Variants in MEIS2 observed in about 807,000 individuals in gnomAD.
MEIS2 encodes Meis homeobox 2, also known as homeobox protein Meis2.
MEIS2 carries 9 observed loss-of-function variants against 58.6 expected under a neutral mutation model. That is an observed-to-expected ratio of 0.15 (90% CI 0.09 to 0.27). The LOEUF (loss-of-function observed/expected upper bound fraction) is 0.27, where lower values mean the gene tolerates loss of function less well. Ranked by LOEUF, MEIS2 falls within the 10% of genes least tolerant of loss-of-function variation. MEIS2 has a pLI of 1.00. For synonymous variants in MEIS2, 221 were observed against 228.4 expected (o/e 0.97, Z 0.29); for missense variants, 427 against 635.0 (o/e 0.67, Z 3.52).
At chr15:37,073,167 C>T (rs370279968) in intron 7 of MEIS2, among the ~76,000 whole-genome samples, 2 of 152,036 alleles carry the variant, frequency 1.3e-5, no homozygotes, top group East Asian at 1.9e-4. Flanking sequence ...AAAGCAAGTG[C>T]TAATTTAATC....
chr15:36,971,126 C>T (rs931723563), intron 8 of MEIS2, among the ~76,000 whole-genome samples: 2 of 151,574 alleles, frequency 1.3e-5, no homozygotes, highest in Non-Finnish European at 2.9e-5. Flanking sequence ...GATGTAAAGT[C>T]GATTTACCTG....
intron 7 of MEIS2, among the ~76,000 whole-genome samples, chr15:37,063,315 A>G (rs1889488310): frequency 6.6e-6 from 1 of 152,194 alleles, no homozygotes; most frequent in Non-Finnish European, 1.5e-5. Flanking sequence ...ACTGGCGTGC[A>G]CTACTGTGCA....
intron 8 of MEIS2, among the ~76,000 whole-genome samples, chr15:36,976,230 G>T (rs989477286): frequency 1.2e-4 from 18 of 151,620 alleles, no homozygotes; most frequent in South Asian, 2.1e-4. Context: ...GATTACAGGC[G>T]GCCACCACCA....
chr15:37,038,803 G>A (rs536354014), intron 7 of MEIS2, among the ~76,000 whole-genome samples: 119 of 152,214 alleles, frequency 7.8e-4, no homozygotes, highest in Non-Finnish European at 1.1e-3. Flanking sequence ...CATGTACACC[G>A]GAGTGTCGCC....
intron 9 of MEIS2, among the ~76,000 whole-genome samples, chr15:36,920,079 G>A (rs1211072127): frequency 2.0e-5 from 3 of 152,106 alleles, no homozygotes; most frequent in African/African-American, 7.2e-5. Flanking sequence ...ATGGAGGCTG[G>A]AGATTAAAGT....
intron 9 of MEIS2, among the ~76,000 whole-genome samples, chr15:36,947,911 T>C (rs2058625599): frequency 6.6e-6 from 1 of 151,976 alleles, no homozygotes; most frequent in Admixed American, 6.6e-5. Context: ...CATCAAGGCA[T>C]TGGGCAAGTT....
chr15:37,054,944 C>G, intron 7 of MEIS2, among the ~76,000 whole-genome samples: 1 of 152,210 alleles, frequency 6.6e-6, no homozygotes, highest in East Asian at 1.9e-4. Context: ...AGCACTTACT[C>G]TCTTCCAGAC....
At chr15:36,945,211 C>T (rs1170332142) in intron 9 of MEIS2, among the ~76,000 whole-genome samples, 1 of 151,962 alleles carries the variant, frequency 6.6e-6, no homozygotes, top group Non-Finnish European at 1.5e-5. Flanking sequence ...TTGAAACCCA[C>T]CTAGAACACT....
At chr15:36,904,289 C>T (rs993776830) in intron 9 of MEIS2, among the ~76,000 whole-genome samples, 3 of 152,204 alleles carry the variant, frequency 2.0e-5, no homozygotes, top group African/African-American at 4.8e-5. Context: ...TCTCCTTTGA[C>T]GCTCACCTTT....
At chr15:37,046,923 T>A (rs1210525878) in intron 7 of MEIS2, among the ~76,000 whole-genome samples, 1 of 152,050 alleles carries the variant, frequency 6.6e-6, no homozygotes, top group Non-Finnish European at 1.5e-5. Context: ...TAAGAAAGGA[T>A]CTCTGTTCTC....
intron 8 of MEIS2, among the ~76,000 whole-genome samples, chr15:37,014,076 T>G (rs983684079): frequency 6.6e-6 from 1 of 152,164 alleles, no homozygotes; most frequent in Non-Finnish European, 1.5e-5. Flanking sequence ...ATGTTAACAA[T>G]AGCAGAACAC....
chr15:36,918,651 C>G (rs1227089806), intron 9 of MEIS2, among the ~76,000 whole-genome samples: 1 of 152,028 alleles, frequency 6.6e-6, no homozygotes, highest in African/African-American at 2.4e-5. Context: ...CATGGGTGTG[C>G]AGAAAAGGTG....
At chr15:37,000,598 C>T (rs1383375545) in intron 8 of MEIS2, among the ~76,000 whole-genome samples, 1 of 152,038 alleles carries the variant, frequency 6.6e-6, no homozygotes, top group Non-Finnish European at 1.5e-5. Flanking sequence ...ATTGTATTTA[C>T]TCCCACCCAC....
chr15:36,919,711 G>C (rs1425885663), intron 9 of MEIS2, among the ~76,000 whole-genome samples: 1 of 152,164 alleles, frequency 6.6e-6, no homozygotes, highest in Non-Finnish European at 1.5e-5. Context: ...CTAAACATTG[G>C]AGGATGAACA....
chr15:37,032,086 C>T (rs2061952210), intron 8 of MEIS2, among the ~76,000 whole-genome samples: 1 of 152,100 alleles, frequency 6.6e-6, no homozygotes, highest in South Asian at 2.1e-4. Flanking sequence ...GCGATCCTCC[C>T]CACTTGGCTT....
chr15:36,960,440 C>T (rs2059142882), intron 8 of MEIS2, among the ~76,000 whole-genome samples: 1 of 151,922 alleles, frequency 6.6e-6, no homozygotes, highest in Non-Finnish European at 1.5e-5. Flanking sequence ...AAAGGAGAAC[C>T]TTCGTAGTGA....
chr15:36,989,041 C>T (rs375159913), intron 8 of MEIS2, among the ~76,000 whole-genome samples: 8 of 152,340 alleles, frequency 5.3e-5, no homozygotes, highest in African/African-American at 1.9e-4. Flanking sequence ...TCTATAAACA[C>T]ATCTTTAATT....
chr15:36,898,018 A>T (rs1216334812), intron 9 of MEIS2: 1 of 152,244 alleles, frequency 6.6e-6, no homozygotes. Context: ...GCTGAGGAAT[A>T]ATAGCTGGGA....
chr15:37,012,231 T>C (rs1292638023), intron 8 of MEIS2, among the ~76,000 whole-genome samples: 1 of 152,250 alleles, frequency 6.6e-6, no homozygotes, highest in African/African-American at 2.4e-5. Flanking sequence ...TGATGGGTAC[T>C]TTGGTTCAAT....
Sources: gnomAD v4.1 joint callset for allele counts (sites outside exome capture counted in the v4.1 genomes callset) on GRCh38, gnomAD v4.1.1 for gene constraint, MANE v1.5 for transcripts, NCBI Gene and HGNC (gene_info 2026-07-23, HGNC 2026-07-21) for gene names.